The following DSE variants were observed in gnomAD, a reference collection of about 807,000 sequenced individuals.
The protein encoded by DSE is dermatan-sulfate epimerase.
Under a neutral mutation model 84.4 loss-of-function variants are expected in DSE, and 36 were observed. That is an observed-to-expected ratio of 0.43 (90% CI 0.33 to 0.56). The LOEUF (loss-of-function observed/expected upper bound fraction) is 0.56. Ranked by LOEUF, DSE falls within the 20% of genes least tolerant of loss-of-function variation. The probability of loss-of-function intolerance (pLI) is 0.06; values close to 1 mark genes in which losing one functional copy is unlikely to be tolerated. For synonymous variants in DSE, 410 were observed against 430.1 expected (o/e 0.95, Z 0.58); for missense variants, 862 against 1,169.6 (o/e 0.74, Z 3.84).
chr6:116,400,735 G>T (rs1293505266), intron 2 of DSE: 1 of 152,052 alleles, frequency 6.6e-6, no homozygotes, highest in Non-Finnish European at 1.5e-5. Flanking sequence ...TTTTTTATTT[G>T]ATTTATTTCA....
chr6:116,392,438 G>T (rs1780968898), intron 1 of DSE, among the ~76,000 whole-genome samples: 1 of 152,136 alleles, frequency 6.6e-6, no homozygotes, highest in African/African-American at 2.4e-5. Context: ...TAGTGTGGGG[G>T]ATTATTCCTA....
chr6:116,402,721 T>C (rs1311129344), intron 2 of DSE, among the ~76,000 whole-genome samples: 1 of 152,158 alleles, frequency 6.6e-6, no homozygotes, highest in African/African-American at 2.4e-5. Flanking sequence ...CATAAAATTT[T>C]CCCCTTGGCT....
rs373168180 is a variant in DSE at position 116,436,305 on chromosome 6, C to G, written c.1837C>G (p.Leu613Val). 2 of 1,614,122 alleles carry G rather than the reference C, an allele frequency of 1.2e-6. No individual in the cohort carries two copies. The highest frequency in any genetic ancestry group is 1.7e-6 in the Non-Finnish European group (2 of 1,180,018). ...GGCTTTCATCAGGCAGAGAGATGGTCTCTATAAAATGTACTGGATGGACGA... is the reference window on the plus strand; with the variant it reads ...GGCTTTCATCAGGCAGAGAGATGGTGTCTATAAAATGTACTGGATGGACGA... ...HGAFIRQRDG[L>V]YKMYWMDDTG... The change falls in exon 6 of 6, where the codon CTC becomes GTC. Residue 613 changes from leucine (L) to valine (V), a missense_variant. By Grantham distance (32) the Leu-to-Val change is conservative. Around this residue, in one of 4 missense-constraint regions of DSE, gnomAD observed 186 missense variants for 255.1 expected, o/e 0.73. Coordinates refer to ENST00000644252, the MANE Select transcript of DSE (RefSeq NM_013352.4).
chr6:116,425,212 T>C lies in DSE; in HGVS notation c.417-1362T>C, dbSNP rs764407738. ...TTTTAAATATGTGTATTGATAATTATATTTCAAAATAATAGATTTCCATGT... is the reference window on the plus strand; with the variant it reads ...TTTTAAATATGTGTATTGATAATTACATTTCAAAATAATAGATTTCCATGT... On this transcript the variant is annotated intron_variant, in intron 2 of 5. Coordinates refer to ENST00000644252, the MANE Select transcript of DSE (RefSeq NM_013352.4). Among the ~76,000 whole-genome samples the C allele has an allele frequency of 2.0e-4, 30 of 152,372 alleles. 1 individual carries two copies. In the South Asian group the frequency reaches 2.5e-3, roughly 13 times the overall value.
intron 2 of DSE, among the ~76,000 whole-genome samples, chr6:116,307,113 C>A (rs746169108): frequency 9.2e-5 from 14 of 152,164 alleles, no homozygotes; most frequent in Non-Finnish European, 1.3e-4. Context: ...ATGAATCTTT[C>A]ACACAGGCAT....
Position 116,373,511 on chromosome 6 carries a change from C to T in DSE, c.-54+2390C>T, listed in dbSNP as rs909459914. ...GAAAAAGCACTGGGTGAGACATCAA[C>T]TAGGTTTGCTATGTGAGATCAGGAC... On this transcript the variant is annotated intron_variant, in intron 1 of 5. Transcript: ENST00000644252. Among the ~76,000 whole-genome samples the T allele has an allele frequency of 2.0e-5, 3 of 152,220 alleles. No individual in the cohort carries two copies. In the South Asian group the frequency reaches 6.2e-4, roughly 31 times the overall value.
intron 1 of DSE, among the ~76,000 whole-genome samples, chr6:116,391,976 A>G (rs534461935): frequency 3.3e-5 from 5 of 152,204 alleles, no homozygotes; most frequent in Non-Finnish European, 7.4e-5. Flanking sequence ...TTACTTTGGT[A>G]TTGAGGAAAC....
chr6:116,287,834 TTTTA>T (rs1774019813), intron 2 of DSE, among the ~76,000 whole-genome samples: 1 of 152,134 alleles, frequency 6.6e-6, no homozygotes, highest in South Asian at 2.1e-4. Context: ...AGATTGTCAC[TTTTA>T]AATACTGCTA....
intron 2 of DSE, among the ~76,000 whole-genome samples, chr6:116,413,706 CA>C (rs903277068): frequency 3.9e-5 from 6 of 152,120 alleles, no homozygotes; most frequent in African/African-American, 1.4e-4. Context: ...ATCAAATTAT[CA>C]AAGAAAATTA....
intron 2 of DSE, among the ~76,000 whole-genome samples, chr6:116,290,960 G>A (rs1774242127): frequency 6.6e-6 from 1 of 152,254 alleles, no homozygotes; most frequent in East Asian, 1.9e-4. Context: ...GGCCACCACT[G>A]TGCTCTGCAA....
intron 2 of DSE, among the ~76,000 whole-genome samples, chr6:116,365,004 TTG>T: frequency 6.6e-6 from 1 of 151,924 alleles, no homozygotes; most frequent in African/African-American, 2.4e-5. Flanking sequence ...GGCTAATTTT[TTG>T]TGTGTGTTTT....
chr6:116,261,404 T>G (rs929766751), intron 2 of DSE, among the ~76,000 whole-genome samples: 1 of 152,122 alleles, frequency 6.6e-6, no homozygotes, highest in Non-Finnish European at 1.5e-5. Flanking sequence ...GCCTTCCTGA[T>G]TTGGCCCTCA....
intron 2 of DSE, among the ~76,000 whole-genome samples, chr6:116,324,186 T>G (rs1014799006): frequency 2.6e-5 from 4 of 152,238 alleles, no homozygotes; most frequent in Non-Finnish European, 5.9e-5. Flanking sequence ...TAGTAGGCTT[T>G]CCTGCTAATT....
rs534840415 is a variant in DSE at position 116,304,012 on chromosome 6, C to T, written c.-54+45045C>T. 4.0e-5 allele frequency among the ~76,000 whole-genome samples: 6 copies of T among 151,596 alleles called. No individual in the cohort carries two copies. In the South Asian group the frequency reaches 1.0e-3, roughly 26 times the overall value. Reference sequence around the variant, plus strand: ...CTAGCCGGGCATGGTGGCAGGCGCCCGTAGTCCCAGCTACTCAGGAGGCTG... The same window carrying T: ...CTAGCCGGGCATGGTGGCAGGCGCCTGTAGTCCCAGCTACTCAGGAGGCTG... On this transcript the variant is annotated intron_variant, in intron 2 of 3. Coordinates refer to the DSE transcript ENST00000430252.
chr6:116,276,737 C>T (rs1773160825), intron 2 of DSE: 1 of 152,180 alleles, frequency 6.6e-6, no homozygotes, highest in Admixed American at 6.5e-5. Flanking sequence ...AGCAGAACAA[C>T]ATGCTTTTAT....
chr6:116,369,170 T>C (rs1583106112), upstream of DSE, among the ~76,000 whole-genome samples: 1 of 152,202 alleles, frequency 6.6e-6, no homozygotes, highest in East Asian at 1.9e-4. Context: ...TTTGTTGTTC[T>C]TGCGTGGGGG....
intron 1 of DSE, among the ~76,000 whole-genome samples, chr6:116,398,057 C>T (rs1283196367): frequency 6.6e-6 from 1 of 151,316 alleles, no homozygotes; most frequent in African/African-American, 2.4e-5. Context: ...GGTTGATTTT[C>T]CACCATCAGT....
upstream of DSE, chr6:116,370,838 C>T (rs1019462033): frequency 3.7e-5 from 36 of 985,534 alleles, no homozygotes; most frequent in Non-Finnish European, 4.1e-5. Flanking sequence ...TCCTCTGGCT[C>T]TGGTGACGTT....
At position 116,426,559 on chromosome 6, in the gene DSE, T is replaced by G. The variant is rs377249948; in HGVS notation, c.417-15T>G. 1.2e-6 allele frequency: 2 copies of G among 1,609,342 alleles called. No individual in the cohort carries two copies. Among genetic ancestry groups the G allele is most frequent in the South Asian group, 1.1e-5 (1 of 90,818 alleles). On this transcript the variant is annotated splice_polypyrimidine_tract_variant and intron_variant, in intron 2 of 5. Coordinates refer to ENST00000644252, the MANE Select transcript of DSE (RefSeq NM_013352.4). ...GTCTGATGAACTCATTTCCATGATT[T>G]ATTTTCCTTTACAGGTTGGTGAAAG...
Sources: gnomAD v4.1 joint callset for allele counts (sites outside exome capture counted in the v4.1 genomes callset) on GRCh38, gnomAD v4.1.1 for gene constraint, gnomAD v4.1.1 regional missense constraint, MANE v1.5 for transcripts, NCBI Gene and HGNC (gene_info 2026-07-23, HGNC 2026-07-21) for gene names.